The following THSD7B variants were observed in gnomAD, a reference collection of about 807,000 sequenced individuals.
THSD7B encodes thrombospondin type 1 domain containing 7B, also known as thrombospondin type-1 domain-containing protein 7B.
THSD7B carries 138 observed loss-of-function variants against 213.6 expected under a neutral mutation model. That is an observed-to-expected ratio of 0.65 (90% CI 0.56 to 0.74). The LOEUF is 0.74. THSD7B is among the 30% of genes least tolerant of loss of function. The probability of loss-of-function intolerance (pLI) is 0.00; values close to 1 mark genes in which losing one functional copy is unlikely to be tolerated. For missense variants in THSD7B, 1,931 were observed against 1,991.5 expected, an observed-to-expected ratio of 0.97 and a Z score of 0.58; for synonymous variants, 742 against 687.0, an observed-to-expected ratio of 1.08 and a Z score of -1.25.
chr2:137,393,223 A>G (rs1490445727), intron 12 of THSD7B, among the ~76,000 whole-genome samples: 1 of 149,466 alleles, frequency 6.7e-6, no homozygotes, highest in African/African-American at 2.5e-5. Flanking sequence ...GGTTAGTTAC[A>G]TATGTATACA....
At chr2:136,799,215 C>T (rs16836738) in intron 1 of THSD7B, among the ~76,000 whole-genome samples, 2,644 of 151,962 alleles carry the variant, frequency 0.017, 46 homozygotes, top group South Asian at 0.059. Context: ...TGGGATTTTA[C>T]CACAATGTCA....
Position 137,170,888 on chromosome 2 carries a change from A to T in THSD7B, c.1673A>T (p.Lys558Ile), listed in dbSNP as rs571548479. 5.6e-6 allele frequency: 9 copies of T among 1,613,360 alleles called. No individual in the cohort carries two copies. Among genetic ancestry groups the T allele is most frequent in the Non-Finnish European group, 7.6e-6 (9 of 1,179,776 alleles). ...SEGICFPDHGKCGLGHRILKA... is the reference protein window; with the variant it reads ...SEGICFPDHGICGLGHRILKA... Reference sequence around the variant, plus strand: ...GGGATCTGTTTCCCTGATCATGGAAAATGTGGCCTGGGACATCGTATTCTG... The same window carrying T: ...GGGATCTGTTTCCCTGATCATGGAATATGTGGCCTGGGACATCGTATTCTG... The change falls in exon 7 of 28, where the codon AAA (lysine) becomes ATA (isoleucine). Residue 558 changes from lysine (K) to isoleucine (I), a missense_variant. Lys to Ile is a moderately radical substitution (Grantham distance 102). Transcript: ENST00000409968.
intron 1 of THSD7B, among the ~76,000 whole-genome samples, chr2:136,855,753 T>A (rs902678093): frequency 3.3e-5 from 5 of 152,062 alleles, no homozygotes; most frequent in Non-Finnish European, 5.9e-5. Flanking sequence ...ATTACAGGCG[T>A]GAGCCATCAC....
intron 4 of THSD7B, among the ~76,000 whole-genome samples, chr2:137,110,204 T>TGTCTA: frequency 6.6e-6 from 1 of 152,188 alleles, no homozygotes; most frequent in Non-Finnish European, 1.5e-5. Context: ...GAAGGTAATC[T>TGTCTA]TCCCAAGGTC....
intron 12 of THSD7B, among the ~76,000 whole-genome samples, chr2:137,338,699 A>G (rs531276831): frequency 1.2e-4 from 19 of 152,264 alleles, no homozygotes; most frequent in African/African-American, 4.6e-4. Context: ...CATTGAAACC[A>G]AAATTCTGCT....
intron 15 of THSD7B, among the ~76,000 whole-genome samples, chr2:137,502,335 T>C (rs1355109043): frequency 6.6e-6 from 1 of 152,042 alleles, no homozygotes. Flanking sequence ...TGTATGTGTG[T>C]ATATATGTAT....
At chr2:137,314,084 T>C (rs995235557) in intron 12 of THSD7B, among the ~76,000 whole-genome samples, 21 of 152,216 alleles carry the variant, frequency 1.4e-4, no homozygotes, top group African/African-American at 4.6e-4. Flanking sequence ...TTCTCCTGGA[T>C]AATATCCTGC....
Position 137,070,400 on chromosome 2 carries a change from T to C in THSD7B, c.950+13170T>C, listed in dbSNP as rs560313908. Among the ~76,000 whole-genome samples the C allele has an allele frequency of 1.6e-4, 24 of 152,050 alleles. No homozygotes were observed. In the South Asian group the frequency reaches 5.0e-3, roughly 31 times the overall value. ...TTTAATAATTTATAATTATAAGCAA[T>C]TTTTCAATGTACAATCTACTGCACT... On this transcript the variant is annotated intron_variant, in intron 3 of 27. Transcript: ENST00000409968.
chr2:136,866,432 A>C (rs1683334280), intron 1 of THSD7B, among the ~76,000 whole-genome samples: 1 of 152,196 alleles, frequency 6.6e-6, no homozygotes, highest in Admixed American at 6.5e-5. Context: ...ACTTTAATAA[A>C]AAATCACTAT....
At chr2:137,546,470 A>ATAT (rs1428693217) in intron 15 of THSD7B, among the ~76,000 whole-genome samples, 6 of 53,242 alleles carry the variant, frequency 1.1e-4, no homozygotes, top group African/African-American at 2.8e-4. Context: ...TATAATATAT[A>ATAT]TATATATAAT....
At chr2:137,016,483 G>C (rs1433827146) in intron 2 of THSD7B, among the ~76,000 whole-genome samples, 1 of 152,146 alleles carries the variant, frequency 6.6e-6, no homozygotes, top group Admixed American at 6.5e-5. Flanking sequence ...TTGGACAAAC[G>C]CTGCCATCTT....
intron 1 of THSD7B, among the ~76,000 whole-genome samples, chr2:136,828,163 A>C (rs1014782511): frequency 2.0e-5 from 3 of 152,070 alleles, no homozygotes; most frequent in African/African-American, 7.2e-5. Flanking sequence ...ACTGTCTTGA[A>C]TAATCTTCAT....
intron 1 of THSD7B, among the ~76,000 whole-genome samples, chr2:136,868,763 C>T (rs1010898237): frequency 2.0e-5 from 3 of 152,000 alleles, no homozygotes; most frequent in Admixed American, 6.6e-5. Flanking sequence ...CTCTCTTTCT[C>T]GACAACATTC....
At chr2:137,299,975 T>C (rs983499393) in intron 12 of THSD7B, among the ~76,000 whole-genome samples, 7 of 152,148 alleles carry the variant, frequency 4.6e-5, no homozygotes, top group Non-Finnish European at 8.8e-5. Context: ...TTGAACAATA[T>C]TCCTTATAGA....
chr2:136,927,477 T>C (rs1238143793), intron 2 of THSD7B, among the ~76,000 whole-genome samples: 1 of 152,178 alleles, frequency 6.6e-6, no homozygotes, highest in Non-Finnish European at 1.5e-5. Flanking sequence ...CTTTTGACAT[T>C]TAGATAATGT....
intron 2 of THSD7B, among the ~76,000 whole-genome samples, chr2:136,938,670 G>A (rs552332763): frequency 2.0e-4 from 30 of 152,184 alleles, no homozygotes; most frequent in African/African-American, 6.7e-4. Flanking sequence ...TTGTATTGAG[G>A]CACATTTTCC....
At chr2:136,929,831 T>C (rs187434768) in intron 2 of THSD7B, among the ~76,000 whole-genome samples, 1 of 152,308 alleles carries the variant, frequency 6.6e-6, no homozygotes, top group Non-Finnish European at 1.5e-5. Context: ...TTCTGACTCC[T>C]GTGTCGCATG....
intron 5 of THSD7B, among the ~76,000 whole-genome samples, chr2:137,117,292 T>C (rs998980482): frequency 9.2e-5 from 14 of 152,194 alleles, no homozygotes; most frequent in African/African-American, 3.4e-4. Context: ...GAATGAGAAT[T>C]TCTTCTTGGC....
At chr2:137,017,996 T>C (rs1193820550) in intron 2 of THSD7B, among the ~76,000 whole-genome samples, 1 of 152,014 alleles carries the variant, frequency 6.6e-6, no homozygotes, top group Non-Finnish European at 1.5e-5. Context: ...TTTTTTTTTT[T>C]TTAAAGCTTC....
Sources: gnomAD v4.1 joint callset for allele counts (sites outside exome capture counted in the v4.1 genomes callset) on GRCh38, gnomAD v4.1.1 for gene constraint, MANE v1.5 for transcripts, NCBI Gene and HGNC (gene_info 2026-07-23, HGNC 2026-07-21) for gene names.